Variants in ARMCX4 observed in about 807,000 individuals in gnomAD.
ARMCX4 encodes armadillo repeat-containing X-linked protein 4.
ARMCX4 carries 3 observed loss-of-function variants against 34.7 expected under a neutral mutation model. The observed-to-expected ratio is 0.09, with a 90% CI of 0.04 to 0.22. The LOEUF (loss-of-function observed/expected upper bound fraction) is 0.22. ARMCX4 is among the 10% of genes least tolerant of loss of function. ARMCX4 has a pLI of 1.00. For missense variants in ARMCX4, 1,448 were observed against 1,720.8 expected (o/e 0.84, Z 2.81); for synonymous variants, 513 against 632.8 (o/e 0.81, Z 2.84).
chrX:101,433,281 T>C (rs1404635534), intron 2 of ARMCX4, among the ~76,000 whole-genome samples: 9 of 108,658 alleles, frequency 8.3e-5, no homozygotes, highest in East Asian at 2.9e-4. Context: ...CACATGTACG[T>C]ACACATATAC....
At chrX:101,421,586 G>A (rs932911652) in intron 2 of ARMCX4, among the ~76,000 whole-genome samples, 5 of 111,392 alleles carry the variant, frequency 4.5e-5, no homozygotes, top group African/African-American at 1.6e-4. Flanking sequence ...TAAGGTTAAG[G>A]TGTGGGCAGG....
chrX:101,489,502 A>G lies in ARMCX4; in HGVS notation c.913A>G (p.Lys305Glu), dbSNP rs1556007962. Residue 305 changes from lysine (K) to glutamate (E), a missense_variant, in exon 6 of 6, where the codon AAA becomes GAA. Lys to Glu is a moderately conservative substitution (Grantham distance 56, BLOSUM62 1). Coordinates refer to ENST00000423738, the MANE Select transcript of ARMCX4 (RefSeq NM_001256155.3). ...GTGVEDMGNC[K>E]TMSRAESGAD... ...TGGGGTTGAGGACATGGGGAATTGTAAAACCATGTCTAGGGCAGAGTCTGG... is the reference window on the plus strand; with the variant it reads ...TGGGGTTGAGGACATGGGGAATTGTGAAACCATGTCTAGGGCAGAGTCTGG... The G allele has an allele frequency of 8.7e-7, 1 of 1,155,592 alleles. No individual in the cohort carries two copies.
chrX:101,434,786 C>G (rs1405429918), intron 2 of ARMCX4, among the ~76,000 whole-genome samples: 1 of 96,784 alleles, frequency 1.0e-5, no homozygotes, highest in South Asian at 6.3e-4. Flanking sequence ...ATCCCTCCCC[C>G]CTCCCCTAAC....
At chrX:101,438,612 T>C (rs1202316234) in intron 2 of ARMCX4, among the ~76,000 whole-genome samples, 2 of 111,170 alleles carry the variant, frequency 1.8e-5, no homozygotes, top group Non-Finnish European at 3.8e-5. Context: ...TCTAAGTCTC[T>C]TTATAGGTCT....
intron 2 of ARMCX4, among the ~76,000 whole-genome samples, chrX:101,438,662 G>T (rs898177560): frequency 7.2e-5 from 8 of 111,473 alleles, no homozygotes. Context: ...TCCTGTATTG[G>T]GTGCATATAT....
intron 2 of ARMCX4, among the ~76,000 whole-genome samples, chrX:101,439,608 G>A (rs1931093587): frequency 8.9e-6 from 1 of 111,872 alleles, no homozygotes; most frequent in South Asian, 3.7e-4. Context: ...TCACTTTCAG[G>A]TACACCAATC....
chrX:101,525,826 C>A (rs1556020292), intron 11 of ARMCX4, among the ~76,000 whole-genome samples: 1 of 111,434 alleles, frequency 9.0e-6, no homozygotes, highest in African/African-American at 3.3e-5. Flanking sequence ...ATGAAAAAAG[C>A]CTCAAAGAAA....
chrX:101,494,274 T>A lies in ARMCX4; in HGVS notation c.5685T>A (p.Ile1895=), dbSNP rs948170702. ...DELSRESSPD[I]EEISLRSLFW... is the part of the protein sequence containing the mutation. ...TAAGTAGAGAGTCCAGCCCTGATAT[T>A]GAGGAGATCAGTTTAAGGTCTTTGT... The change falls in exon 6 of 6, where the codon ATT becomes ATA. Residue 1895 remains isoleucine (I), a synonymous_variant. Transcript: ENST00000423738. The A allele has an allele frequency of 2.6e-6, 3 of 1,152,803 alleles. No individual in the cohort carries two copies. In the African/African-American group the frequency reaches 5.4e-5, roughly 21 times the overall value.
chrX:101,457,883 C>T (rs1603159602), intron 4 of ARMCX4, among the ~76,000 whole-genome samples: 1 of 109,938 alleles, frequency 9.1e-6, no homozygotes, highest in East Asian at 3.0e-4. Context: ...GCTGGGACTA[C>T]AGGTGTGCAC....
At chrX:101,427,108 T>C (rs2147515699) in intron 2 of ARMCX4, among the ~76,000 whole-genome samples, 1 of 111,773 alleles carries the variant, frequency 8.9e-6, no homozygotes, top group South Asian at 3.7e-4. Context: ...AGAGTACATA[T>C]AATTTTCATT....
chrX:101,471,335 A>T (rs986271104), intron 4 of ARMCX4, among the ~76,000 whole-genome samples: 4 of 111,458 alleles, frequency 3.6e-5, no homozygotes, highest in Non-Finnish European at 7.5e-5. Context: ...TCAACTTTCA[A>T]TTTTCTCTTT....
intron 11 of ARMCX4, among the ~76,000 whole-genome samples, chrX:101,519,183 C>T (rs1934799845): frequency 9.0e-6 from 1 of 111,417 alleles, no homozygotes; most frequent in Non-Finnish European, 1.9e-5. Flanking sequence ...CATCATTTTC[C>T]TTGTATAAGC....
rs1933887537 is a variant in ARMCX4, at chrX:101,489,596, C to T, written c.1007C>T (p.Ala336Val). 1 of 1,154,417 alleles carries T rather than the reference C, an allele frequency of 8.7e-7. No individual in the cohort carries two copies. Residue 336 changes from alanine (A) to valine (V), a missense_variant, in exon 6 of 6, where the codon GCA becomes GTA. Ala to Val is a moderately conservative substitution (Grantham distance 64). Coordinates refer to ENST00000423738, the MANE Select transcript of ARMCX4 (RefSeq NM_001256155.3). Reference protein sequence around the residue: ...AKTQTEAIPGAKIDAGGNTNA... With the variant: ...AKTQTEAIPGVKIDAGGNTNA... ...ACCCAGACTGAGGCCATTCCTGGGG[C>T]AAAGATTGATGCCGGGGGTAACACC...
chrX:101,519,944 C>T (rs1603227530), intron 11 of ARMCX4, among the ~76,000 whole-genome samples: 1 of 110,774 alleles, frequency 9.0e-6, no homozygotes, highest in Non-Finnish European at 1.9e-5. Context: ...TTTTTATATA[C>T]CTGTTGGCCA....
chrX:101,439,978 G>A (rs1344398100), intron 2 of ARMCX4, among the ~76,000 whole-genome samples: 34 of 111,692 alleles, frequency 3.0e-4, no homozygotes, highest in African/African-American at 5.9e-4. Flanking sequence ...CTCTCAACTC[G>A]TCAAAGTCAT....
chrX:101,432,869 TACAC>T (rs1930214315), intron 2 of ARMCX4, among the ~76,000 whole-genome samples: 1 of 88,722 alleles, frequency 1.1e-5, no homozygotes, highest in African/African-American at 3.9e-5. Context: ...CACGTATATA[TACAC>T]ATATGTATAC....
intron 4 of ARMCX4, among the ~76,000 whole-genome samples, chrX:101,461,228 C>T (rs1932592136): frequency 9.0e-6 from 1 of 111,608 alleles, no homozygotes; most frequent in Admixed American, 9.5e-5. Context: ...TGATAACTTC[C>T]TATTCTCTTT....
rs924667144 is a variant in ARMCX4 at position 101,490,785 on chromosome X, C to T, written c.2196C>T (p.Pro732=). 4 of 1,143,687 alleles carry T rather than the reference C, an allele frequency of 3.5e-6. No homozygotes were observed. The African/African-American group carries it at 7.5e-5, about 22-fold the overall frequency. The allele number at this position is 1,143,687 out of a possible 1,213,427, so 94.3% of individuals were successfully genotyped here. A position where few individuals can be genotyped will look rare whatever the true frequency, so the allele number is the denominator to read the frequency against. ...PGAKNKIRGN[P]TTVPNSGVGP... ...CCAAGAATAAGATCAGAGGCAATCC[C>T]ACTACTGTGCCTAATTCAGGGGTTG... Residue 732 remains proline, a synonymous_variant, in exon 6 of 6, where the codon CCC becomes CCT. Transcript: ENST00000423738.
chrX:101,518,161 A>G (rs1410833380), intron 11 of ARMCX4, among the ~76,000 whole-genome samples: 1 of 112,197 alleles, frequency 8.9e-6, no homozygotes, highest in Non-Finnish European at 1.9e-5. Flanking sequence ...GTACACAACC[A>G]ATTAATCATT....
Sources: allele counts gnomAD v4.1 joint callset (sites outside exome capture counted in the v4.1 genomes callset), GRCh38; gene constraint gnomAD v4.1.1; transcripts MANE v1.5; gene names NCBI Gene and HGNC (gene_info 2026-07-23, HGNC 2026-07-21).